TBC1D19: variants seen among roughly 807,000 people sequenced by gnomAD.
The protein encoded by TBC1D19 is TBC1 domain family member 19, also known as TBC1 domain family, member 19.
In TBC1D19, 60 loss-of-function variants were observed where a neutral mutation model predicts 89.0. The observed-to-expected ratio is 0.67, with a 90% CI of 0.55 to 0.84. The LOEUF is 0.84. Ranked by LOEUF, TBC1D19 falls within the 40% of genes least tolerant of loss-of-function variation. The pLI is 0.00. For missense variants in TBC1D19, 500 were observed against 610.8 expected (o/e 0.82, Z 1.91); for synonymous variants, 189 against 199.7 (o/e 0.95, Z 0.45).
intron 3 of TBC1D19, among the ~76,000 whole-genome samples, chr4:26,614,934 C>T (rs566404328): frequency 6.6e-6 from 1 of 152,150 alleles, no homozygotes; most frequent in South Asian, 2.1e-4. Context: ...TGCATTGGCC[C>T]CCCAAAGTGC....
the TBC1D19 span, among the ~76,000 whole-genome samples, chr4:26,841,377 C>T: frequency 5.6e-5 from 6 of 107,602 alleles, no homozygotes; most frequent in Non-Finnish European, 1.1e-4. Flanking sequence ...CAGAGTGAGA[C>T]TCTGTCTCAA....
At chr4:26,845,002 C>G in the TBC1D19 span, among the ~76,000 whole-genome samples, 2 of 152,098 alleles carry the variant, frequency 1.3e-5, no homozygotes, top group East Asian at 1.9e-4. Flanking sequence ...GTTTTTTTCA[C>G]TTATTATAAC....
chr4:26,777,184 G>T, the TBC1D19 span, among the ~76,000 whole-genome samples: 3 of 147,874 alleles, frequency 2.0e-5, no homozygotes, highest in African/African-American at 5.0e-5. Flanking sequence ...GCCCAGGATG[G>T]AGTGCAATGG....
the TBC1D19 span, among the ~76,000 whole-genome samples, chr4:26,781,837 A>G: frequency 6.6e-6 from 1 of 152,138 alleles, no homozygotes; most frequent in African/African-American, 2.4e-5. Flanking sequence ...GATTAGGCAA[A>G]TGTTTAAAAA....
chr4:26,714,666 CATATT>C (rs1716466661), intron 13 of TBC1D19, among the ~76,000 whole-genome samples: 1 of 152,020 alleles, frequency 6.6e-6, no homozygotes. Flanking sequence ...GATAAGAACA[CATATT>C]TTTGTTTTGA....
chr4:26,677,342 G>A (rs1296574349), intron 11 of TBC1D19, among the ~76,000 whole-genome samples: 61 of 143,432 alleles, frequency 4.3e-4, no homozygotes, highest in Middle Eastern at 3.8e-3. Context: ...TTTTTGAGAC[G>A]AAGTCTCACT....
chr4:26,611,322 A>G (rs1031701072), intron 1 of TBC1D19, among the ~76,000 whole-genome samples: 2 of 151,868 alleles, frequency 1.3e-5, no homozygotes, highest in African/African-American at 4.8e-5. Flanking sequence ...TTTAAGCTAT[A>G]GGTTTTCTCT....
intron 13 of TBC1D19, among the ~76,000 whole-genome samples, chr4:26,709,120 A>G (rs141097775): frequency 6.6e-6 from 1 of 151,852 alleles, no homozygotes; most frequent in East Asian, 1.9e-4. Context: ...TTTTCTTCCC[A>G]GCGTTTTTGT....
intron 17 of TBC1D19, chr4:26,740,833 C>A (rs1560507328): frequency 1.0e-6 from 1 of 985,366 alleles, no homozygotes; most frequent in Admixed American, 6.1e-5. Context: ...TTTATCCCCC[C>A]ATTCTAAGCC....
chr4:26,658,209 T>C (rs1049587901), intron 7 of TBC1D19, among the ~76,000 whole-genome samples: 3 of 152,232 alleles, frequency 2.0e-5, no homozygotes, highest in Non-Finnish European at 4.4e-5. Context: ...CTAGGATTCC[T>C]ATAGTTTTAG....
intron 7 of TBC1D19, among the ~76,000 whole-genome samples, chr4:26,649,307 C>T (rs1170791216): frequency 6.6e-6 from 1 of 152,052 alleles, no homozygotes. Flanking sequence ...TCATCATAAT[C>T]TCCTCCACTA....
intron 4 of TBC1D19, among the ~76,000 whole-genome samples, chr4:26,624,247 G>A (rs1406566925): frequency 6.6e-6 from 1 of 152,170 alleles, no homozygotes; most frequent in Non-Finnish European, 1.5e-5. Flanking sequence ...AGCTCAGATG[G>A]CATCTCTTCT....
At chr4:26,579,662 C>T (rs925306245), upstream of TBC1D19, among the ~76,000 whole-genome samples, 2 of 136,686 alleles carry the variant, frequency 1.5e-5, no homozygotes, top group African/African-American at 5.4e-5. Flanking sequence ...CCTCCCCTAA[C>T]CCCCAACCCC....
intron 1 of TBC1D19, among the ~76,000 whole-genome samples, chr4:26,596,846 A>G (rs1026008246): frequency 1.1e-4 from 17 of 152,130 alleles, no homozygotes; most frequent in African/African-American, 3.6e-4. Context: ...CTAATATTTA[A>G]CTCAAGGGCT....
chr4:26,842,583 C>CCTTCCTTCCTTTCTTTCTTTCTTT, the TBC1D19 span, among the ~76,000 whole-genome samples: 15 of 70,610 alleles, frequency 2.1e-4, no homozygotes, highest in East Asian at 7.7e-4. Flanking sequence ...TTCCTCCCTC[C>CCTTCCTTCCTTTCTTTCTTTCTTT]CTTTCTTTCT....
the TBC1D19 span, among the ~76,000 whole-genome samples, chr4:26,799,961 G>C: frequency 0.015 from 2,305 of 151,484 alleles, 44 homozygotes; most frequent in African/African-American, 0.049. Context: ...TTAAAAAACT[G>C]TGTATAGATT....
Position 26,666,278 on chromosome 4 carries a change from A to G in TBC1D19, c.592-55A>G, listed in dbSNP as rs374194267. On this transcript the variant is annotated intron_variant, in intron 8 of 20. Transcript: ENST00000264866. ...ATGTTAAGGCAAAGGTGATCTTTTA[A>G]CAATGTGCAGCAAAGTCTGAGATCT... 320 of 1,424,176 alleles carry G rather than the reference A, an allele frequency of 2.2e-4. 2 individuals are homozygous for G. In the Middle Eastern group the frequency reaches 7.4e-3, roughly 33 times the overall value. The allele number at this position is 1,424,176 out of a possible 1,614,324, so 88.2% of individuals were successfully genotyped here.
At chr4:26,814,169 G>A in the TBC1D19 span, among the ~76,000 whole-genome samples, 4 of 152,130 alleles carry the variant, frequency 2.6e-5, no homozygotes, top group Admixed American at 6.6e-5. Flanking sequence ...GGTAGACCAC[G>A]GTCCCTGTAG....
At chr4:26,682,659 T>C (rs1484393231) in intron 11 of TBC1D19, among the ~76,000 whole-genome samples, 2 of 152,162 alleles carry the variant, frequency 1.3e-5, no homozygotes, top group African/African-American at 2.4e-5. Context: ...TTTGGAGCAA[T>C]ACACATGTCA....
Sources: gnomAD v4.1 joint callset for allele counts (sites outside exome capture counted in the v4.1 genomes callset) on GRCh38, gnomAD v4.1.1 for gene constraint, MANE v1.5 for transcripts, NCBI Gene and HGNC (gene_info 2026-07-23, HGNC 2026-07-21) for gene names.